The following CHM variants were observed in gnomAD, a reference collection of about 807,000 sequenced individuals.
CHM encodes the protein rab proteins geranylgeranyltransferase component A 1.
Under a neutral mutation model 49.0 loss-of-function variants are expected in CHM, and 10 were observed. The ratio of observed to expected loss-of-function variants is 0.20; its 90% CI spans 0.13 to 0.35. The LOEUF (loss-of-function observed/expected upper bound fraction) is 0.35. Ranked by LOEUF, CHM falls within the 10% of genes least tolerant of loss-of-function variation. The pLI is 1.00. For missense variants in CHM, 455 were observed against 478.4 expected (o/e 0.95, Z 0.46); for synonymous variants, 184 against 167.5 (o/e 1.10, Z -0.76).
chrX:85,877,064 C>G (rs1924462344), intron 13 of CHM, among the ~76,000 whole-genome samples: 1 of 110,985 alleles, frequency 9.0e-6, no homozygotes, highest in Non-Finnish European at 1.9e-5. Flanking sequence ...AAAGAAAAAA[C>G]TATGACTCCA....
intron 8 of CHM, among the ~76,000 whole-genome samples, chrX:85,954,351 T>A (rs1468278087): frequency 8.9e-6 from 1 of 111,898 alleles, no homozygotes; most frequent in Non-Finnish European, 1.9e-5. Context: ...ACAACCACTG[T>A]GGAGAACAGT....
chrX:85,984,250 A>C (rs1164643325), intron 2 of CHM, among the ~76,000 whole-genome samples: 1 of 111,840 alleles, frequency 8.9e-6, no homozygotes, highest in African/African-American at 3.2e-5. Flanking sequence ...GTTATCCAGA[A>C]TATATAAAGA....
At chrX:85,994,485 G>A (rs1932351139) in intron 2 of CHM, among the ~76,000 whole-genome samples, 1 of 111,708 alleles carries the variant, frequency 9.0e-6, no homozygotes, top group Non-Finnish European at 1.9e-5. Flanking sequence ...AGATCAAAGG[G>A]TTAAGGACTG....
At chrX:85,912,035 C>T (rs1030610121) in intron 8 of CHM, among the ~76,000 whole-genome samples, 3 of 85,664 alleles carry the variant, frequency 3.5e-5, no homozygotes, top group African/African-American at 1.3e-4. Flanking sequence ...AAGAAATCCA[C>T]GTACAAAAAG....
intron 2 of CHM, among the ~76,000 whole-genome samples, chrX:85,990,075 CAT>C (rs1932110046): frequency 8.9e-6 from 1 of 112,146 alleles, no homozygotes; most frequent in African/African-American, 3.2e-5. Context: ...ATAGCTAAGA[CAT>C]AGAATCAACT....
At position 86,047,292 on chromosome X, in the gene CHM, T is replaced by C. The variant is rs1934687619; in HGVS notation, c.49+192A>G. The C allele has an allele frequency of 6.7e-5, 33 of 492,223 alleles. No homozygotes were observed. The South Asian group carries it at 8.0e-4, about 12-fold the overall frequency. 40.6% of individuals were successfully genotyped at this position (492,223 alleles called of 1,213,427 possible). On this transcript the variant is annotated intron_variant, in intron 1 of 14. Transcript: ENST00000357749. Reference sequence around the variant, plus strand: ...AGATCAACCCCTACTCAAATGGCGATAAGCACTGCGGGTCCCAGCCCCTCC... The same window carrying C: ...AGATCAACCCCTACTCAAATGGCGACAAGCACTGCGGGTCCCAGCCCCTCC...
chrX:85,884,597 C>T (rs971198009), intron 12 of CHM, among the ~76,000 whole-genome samples: 1 of 111,243 alleles, frequency 9.0e-6, no homozygotes, highest in African/African-American at 3.3e-5. Context: ...CTTTCAAGAA[C>T]CTTTCATATA....
At chrX:86,006,373 C>T (rs970810141) in intron 2 of CHM, among the ~76,000 whole-genome samples, 5 of 112,004 alleles carry the variant, frequency 4.5e-5, no homozygotes, top group African/African-American at 1.6e-4. Context: ...TGCCCTCTCT[C>T]ACCATGCCTA....
rs1335094220 is a variant in CHM, at chrX:85,904,207, G to A, written c.1245-3019C>T. ...AGGAAGGCAGGAAAGATTAAACCACGTAAGATTTAGTTGAGGGCCTTGCTG... is the reference window on the plus strand; with the variant it reads ...AGGAAGGCAGGAAAGATTAAACCACATAAGATTTAGTTGAGGGCCTTGCTG... On this transcript the variant is annotated intron_variant, in intron 9 of 14. Coordinates refer to ENST00000357749, the MANE Select transcript of CHM (RefSeq NM_000390.4). 4.5e-5 allele frequency among the ~76,000 whole-genome samples: 5 copies of A among 111,066 alleles called. No individual in the cohort carries two copies. In the East Asian group the frequency reaches 1.4e-3, roughly 31 times the overall value.
intron 4 of CHM, among the ~76,000 whole-genome samples, chrX:85,967,188 A>G (rs957209790): frequency 1.8e-5 from 2 of 111,609 alleles, no homozygotes; most frequent in African/African-American, 6.5e-5. Context: ...CTAAAACTCC[A>G]CTGACATCCT....
At chrX:85,879,755 A>G (rs1232537285) in intron 12 of CHM, among the ~76,000 whole-genome samples, 3 of 110,963 alleles carry the variant, frequency 2.7e-5, no homozygotes, top group African/African-American at 9.8e-5. Context: ...GTGTTTTGCA[A>G]TAAAGGAGTA....
chrX:85,975,086 T>A (rs755665478), intron 4 of CHM, among the ~76,000 whole-genome samples: 1 of 110,591 alleles, frequency 9.0e-6, no homozygotes, highest in Admixed American at 9.6e-5. Flanking sequence ...TAAGAGAACA[T>A]GAAAAAATAT....
At chrX:85,906,557 G>A (rs1025282663) in intron 9 of CHM, among the ~76,000 whole-genome samples, 1 of 111,673 alleles carries the variant, frequency 9.0e-6, no homozygotes, top group African/African-American at 3.3e-5. Context: ...CACAGCTAGT[G>A]ACAAAGTCAG....
Position 85,913,313 on chromosome X carries a change from CAAA to C in CHM, c.1167-1978_1167-1976del, listed in dbSNP as rs1169192160. 1.1e-3 allele frequency among the ~76,000 whole-genome samples: 9 copies of C among 8,059 alleles called. No homozygotes were observed. In the East Asian group the frequency reaches 0.024, roughly 22 times the overall value. The allele number at this position is 8,059 out of a possible 115,157, so 7.0% of individuals were successfully genotyped here. A position where few individuals can be genotyped will look rare whatever the true frequency, so the allele number is the denominator to read the frequency against. On this transcript the variant is annotated intron_variant, in intron 8 of 14. Coordinates refer to ENST00000357749, the MANE Select transcript of CHM (RefSeq NM_000390.4). Reference sequence around the variant, plus strand: ...CCTGGGCAACAGAGCAAGACTCTGTCAAAAAAAAAAAAAAAAAAAAAAGAAAGA... The same window carrying C: ...CCTGGGCAACAGAGCAAGACTCTGTCAAAAAAAAAAAAAAAAAAAGAAAGA...
chrX:85,950,380 T>C (rs1266890165), intron 8 of CHM, among the ~76,000 whole-genome samples: 1 of 109,425 alleles, frequency 9.1e-6, no homozygotes, highest in Non-Finnish European at 1.9e-5. Context: ...AAATCAAGAA[T>C]GACAGAGAAG....
chrX:85,920,649 A>G lies in CHM; in HGVS notation c.1167-9311T>C, dbSNP rs752668303. On this transcript the variant is annotated intron_variant, in intron 8 of 14. Coordinates refer to ENST00000357749, the MANE Select transcript of CHM (RefSeq NM_000390.4). The stretch of plus-strand genomic sequence containing the variant: ...CATGTATTAACACATTGTATCCTAC[A>G]ATAATCCTATAAGCCAGGGTTTCAC... Among the ~76,000 whole-genome samples, 86 of 112,316 alleles carry G rather than the reference A, an allele frequency of 7.7e-4. 2 individuals carry two copies. The highest frequency in any genetic ancestry group is 1.4e-3 in the Non-Finnish European group (77 of 53,322).
chrX:85,974,737 A>AT (rs1432013755), intron 4 of CHM, among the ~76,000 whole-genome samples: 1 of 110,887 alleles, frequency 9.0e-6, no homozygotes, highest in Non-Finnish European at 1.9e-5. Context: ...TAAAACTATA[A>AT]TTAAAAAAAA....
At chrX:85,926,755 G>A (rs1049703380) in intron 8 of CHM, among the ~76,000 whole-genome samples, 1 of 110,741 alleles carries the variant, frequency 9.0e-6, no homozygotes, top group Admixed American at 9.6e-5. Flanking sequence ...ATGCCTTAAG[G>A]GCACTCTGGC....
At chrX:85,867,677 TG>T (rs772158802) in intron 14 of CHM, among the ~76,000 whole-genome samples, 1 of 112,022 alleles carries the variant, frequency 8.9e-6, no homozygotes, top group East Asian at 2.8e-4. Flanking sequence ...AGCAGTTATG[TG>T]ATTTGGGGAA....
Sources: allele counts gnomAD v4.1 joint callset (sites outside exome capture counted in the v4.1 genomes callset), GRCh38; gene constraint gnomAD v4.1.1; transcripts MANE v1.5; gene names NCBI Gene and HGNC (gene_info 2026-07-23, HGNC 2026-07-21).